The following EEF1D variants were observed in gnomAD, a reference collection of about 807,000 sequenced individuals.
EEF1D encodes the protein elongation factor 1-delta.
A neutral mutation model predicts 63.9 loss-of-function variants in EEF1D; 47 were observed. That is an observed-to-expected ratio of 0.74 (90% confidence interval 0.58 to 0.94). The LOEUF (loss-of-function observed/expected upper bound fraction) is 0.94. Ranked by LOEUF, EEF1D falls within the 40% of genes least tolerant of loss-of-function variation. The probability of loss-of-function intolerance (pLI) is 0.00; values close to 1 mark genes in which losing one functional copy is unlikely to be tolerated. For missense variants in EEF1D, 907 were observed against 899.0 expected, an observed-to-expected ratio of 1.01 and a Z score of -0.11; for synonymous variants, 412 against 386.1, an observed-to-expected ratio of 1.07 and a Z score of -0.79.
Position 143,589,656 on chromosome 8 carries a change from C to G in EEF1D, c.426G>C (p.Leu142Phe). The part of the protein sequence containing the change: ...VAAQAAWPPA[L>F]APWGLCTHGN... Reference sequence around the variant, plus strand: ...CATGGGTGCAGAGACCCCAAGGGGCCAAGGCAGGAGGCCAGGCTGCCTGGG... The same window carrying G: ...CATGGGTGCAGAGACCCCAAGGGGCGAAGGCAGGAGGCCAGGCTGCCTGGG... The change falls in exon 3 of 10, where the codon TTG becomes TTC. Residue 142 changes from leucine to phenylalanine, a missense_variant. By Grantham distance (22) the Leu-to-Phe change is conservative. Coordinates refer to ENST00000618139, the MANE Select transcript of EEF1D (RefSeq NM_001130053.5). 6.5e-7 allele frequency: 1 copy of G among 1,541,746 alleles called. No individual in the cohort carries two copies. Among genetic ancestry groups the G allele is most frequent in the Non-Finnish European group, 8.7e-7 (1 of 1,143,206 alleles).
chr8:143,592,405 C>T (rs1271234142), intron 2 of EEF1D, among the ~76,000 whole-genome samples: 4 of 152,164 alleles, frequency 2.6e-5, no homozygotes, highest in South Asian at 2.1e-4. Flanking sequence ...TGCAGGGAGC[C>T]GCATGTCAGC....
chr8:143,580,182 G>A lies in EEF1D; in HGVS notation c.1735C>T (p.Gln579Ter), dbSNP rs1563947170. The stretch of plus-strand genomic sequence containing the variant: ...ATAGAGCGCACACAGGCCTCCAGCT[G>A]GGCCATGTCCGTCTCATCATCCCAC... ...KPWDDETDMA[Q>*]LEACVRSIQL... Residue 579 changes from glutamine to a stop codon, truncating the protein, a stop_gained, in exon 9 of 10, where the codon CAG becomes TAG. Transcript: ENST00000618139. LOFTEE classifies it high-confidence loss of function. 1.9e-6 allele frequency: 3 copies of A among 1,613,638 alleles called. No individual in the cohort carries two copies. The highest frequency in any genetic ancestry group is 8.5e-7 in the Non-Finnish European group (1 of 1,179,954).
At position 143,588,563 on chromosome 8, in the gene EEF1D, G is replaced by A. The variant is rs1227952012; in HGVS notation, c.1091+428C>T. ...GGGGGTGCACAGGATGGACAGGCAG[G>A]GACACACTGGCTCCCACATCTCATC... On this transcript the variant is annotated intron_variant, in intron 3 of 9. Coordinates refer to ENST00000618139, the MANE Select transcript of EEF1D (RefSeq NM_001130053.5). 2.0e-5 allele frequency among the ~76,000 whole-genome samples: 3 copies of A among 152,174 alleles called. No individual in the cohort carries two copies. In the East Asian group the frequency reaches 5.8e-4, roughly 29 times the overall value.
intron 3 of EEF1D, among the ~76,000 whole-genome samples, chr8:143,587,808 A>T (rs1826996360): frequency 6.6e-6 from 1 of 152,222 alleles, no homozygotes. Context: ...CCCACTGGCC[A>T]GCAGCAGAGG....
chr8:143,589,809 G>A lies in EEF1D; in HGVS notation c.273C>T (p.Ser91=), dbSNP rs754059781. ...RKPLQKKRKR[S]PKSGLGPADL... ...CCGCGGGGCCGAGCCCGCTCTTGGG[G>A]GAGCGCTTCCTCTTTTTCTGCAGGG... is the stretch of plus-strand genomic sequence containing the variant. The change falls in exon 3 of 10, where the codon TCC becomes TCT. Residue 91 remains serine, a synonymous_variant. Coordinates refer to ENST00000618139, the MANE Select transcript of EEF1D (RefSeq NM_001130053.5). The A allele has an allele frequency of 4.4e-6, 7 of 1,600,204 alleles. No individual in the cohort carries two copies. In the African/African-American group the frequency reaches 8.1e-5, roughly 18 times the overall value.
intron 1 of EEF1D, 161 bp from the exon 2 acceptor site, chr8:143,592,821 CCAGA>C (rs1466067824): frequency 4.7e-6 from 2 of 424,402 alleles, no homozygotes; most frequent in Admixed American, 6.4e-5. Flanking sequence ...AAGCTGAGCG[CCAGA>C]CAGACCCGCC....
At chr8:143,587,058 G>A (rs1587161728) in intron 3 of EEF1D, 9 of 561,038 alleles carry the variant, frequency 1.6e-5, no homozygotes, top group South Asian at 1.6e-4. Context: ...AGTGTGGTCC[G>A]AGAACCTCTG....
chr8:143,582,805 G>C (rs77370907), intron 5 of EEF1D: 9,482 of 152,328 alleles, frequency 0.062, 349 homozygotes, highest in East Asian at 0.15. Flanking sequence ...AGGTCACCCA[G>C]TGCAGTCACA....
Position 143,589,310 on chromosome 8 carries a change from T to G in EEF1D, c.772A>C (p.Lys258Gln). 1.3e-6 allele frequency: 2 copies of G among 1,587,436 alleles called. No homozygotes were observed. Among genetic ancestry groups the G allele is most frequent in the Non-Finnish European group, 1.7e-6 (2 of 1,166,260 alleles). ...CCGGCTCGCTCTTGCAGGCGCACCT[T>G]CCCTGGGGGATGGCCGTCAAACAGG... ...EALFDGHPPG[K>Q]VRLQERAGLA... The change falls in exon 3 of 10, where the codon AAG becomes CAG. Residue 258 changes from lysine to glutamine, a missense_variant. Physicochemically the swap from Lys to Gln is moderately conservative, Grantham distance 53. Coordinates refer to ENST00000618139, the MANE Select transcript of EEF1D (RefSeq NM_001130053.5).
intron 1 of EEF1D, among the ~76,000 whole-genome samples, chr8:143,595,452 C>A (rs1475094868): frequency 1.3e-5 from 2 of 152,208 alleles, no homozygotes; most frequent in African/African-American, 4.8e-5. Context: ...GATCTGCCTG[C>A]CTCGGCCTCC....
chr8:143,589,853 T>G lies in EEF1D; in HGVS notation c.229A>C (p.Ser77Arg). 1.2e-6 allele frequency: 2 copies of G among 1,603,688 alleles called. No individual in the cohort carries two copies. Among genetic ancestry groups the G allele is most frequent in the Non-Finnish European group, 1.7e-6 (2 of 1,177,312 alleles). The change falls in exon 3 of 10, where the codon AGC becomes CGC. Residue 77 changes from serine (S) to arginine (R), a missense_variant. By Grantham distance (110) the Ser-to-Arg change is moderately radical. Transcript: ENST00000618139. The part of the protein sequence containing the change: ...DGGSRRDPRK[S>R]QDSRKPLQKK... ...TGCAGGGGCTTCCTGCTGTCCTGGC[T>G]CTTCCTGGGATCACGCCTGCTGCCG...
At chr8:143,590,549 T>C in intron 2 of EEF1D, 1 of 1,131,826 alleles carries the variant, frequency 8.8e-7, no homozygotes, top group Non-Finnish European at 1.1e-6. Context: ...TACAGAACGG[T>C]CTCTGTGGCT....
At chr8:143,582,023 C>A (rs1825652110) in intron 5 of EEF1D, 1 of 152,352 alleles carries the variant, frequency 6.6e-6, no homozygotes, top group Non-Finnish European at 1.5e-5. Flanking sequence ...GGACAGGGTG[C>A]ACCTGGCTGC....
intron 5 of EEF1D, among the ~76,000 whole-genome samples, chr8:143,585,548 A>G (rs1029763610): frequency 2.6e-5 from 4 of 152,240 alleles, no homozygotes; most frequent in Non-Finnish European, 5.9e-5. Flanking sequence ...CAGCAGCCAC[A>G]GAAACACTGA....
chr8:143,590,546 C>T (rs1827774636), intron 2 of EEF1D: 17 of 1,138,596 alleles, frequency 1.5e-5, no homozygotes, highest in South Asian at 3.1e-5. Flanking sequence ...TTCTACAGAA[C>T]GGTCTCTGTG....
chr8:143,594,120 A>T (rs1030979614), intron 1 of EEF1D: 2 of 162,870 alleles, frequency 1.2e-5, no homozygotes, highest in African/African-American at 4.8e-5. Context: ...GCAGTCTTGG[A>T]AACGCCAGAG....
intron 5 of EEF1D, chr8:143,582,969 C>T (rs906563267): frequency 6.6e-6 from 1 of 152,270 alleles, no homozygotes; most frequent in Non-Finnish European, 1.5e-5. Flanking sequence ...CACCCCAAAT[C>T]CAAGATGAGA....
chr8:143,580,545 T>G lies in EEF1D; in HGVS notation c.1671A>C (p.Ala557=), dbSNP rs769485863. 3.1e-6 allele frequency: 5 copies of G among 1,612,930 alleles called. No individual in the cohort carries two copies. Among genetic ancestry groups the G allele is most frequent in the Non-Finnish European group, 4.2e-6 (5 of 1,179,848 alleles). ...GCAGGATGGAGGACTTGGCCACCAG[T>G]GCAGGCTTCTTGGCCTTCTTCTCCG... The part of the protein sequence containing the change: ...QYAEKKAKKP[A]LVAKSSILLD... Residue 557 remains alanine, a synonymous_variant, in exon 8 of 10, where the codon GCA becomes GCC. Transcript: ENST00000618139.
chr8:143,594,404 G>GCA (rs1828469328), intron 1 of EEF1D: 1 of 49,450 alleles, frequency 2.0e-5, no homozygotes. Context: ...AGCAGCCCCG[G>GCA]CAGACTCCTA....
Sources: allele counts gnomAD v4.1 joint callset (sites outside exome capture counted in the v4.1 genomes callset), GRCh38; gene constraint gnomAD v4.1.1; transcripts MANE v1.5; gene names NCBI Gene and HGNC (gene_info 2026-07-23, HGNC 2026-07-21).